Variants in XRCC4 observed in about 807,000 individuals in gnomAD.
XRCC4 encodes the protein DNA repair protein XRCC4.
A neutral mutation model predicts 39.1 loss-of-function variants in XRCC4; 28 were observed. That is an observed-to-expected ratio of 0.72 (90% confidence interval 0.53 to 0.98). The LOEUF (loss-of-function observed/expected upper bound fraction) is 0.98, where lower values mean the gene tolerates loss of function less well. Among genes scored for constraint, XRCC4 ranks in the 50% least tolerant of loss-of-function variants. The pLI is 0.00. For synonymous variants in XRCC4, 123 were observed against 126.4 expected (o/e 0.97, Z 0.18); for missense variants, 350 against 376.4 (o/e 0.93, Z 0.58).
At chr5:83,346,777 TATGAA>T (rs1300719928) in intron 7 of XRCC4, among the ~76,000 whole-genome samples, 1 of 152,116 alleles carries the variant, frequency 6.6e-6, no homozygotes, top group Non-Finnish European at 1.5e-5. Context: ...AAATTACAAA[TATGAA>T]ATGAAATAGG....
chr5:83,248,442 T>C (rs1753189370), intron 6 of XRCC4, among the ~76,000 whole-genome samples: 1 of 152,170 alleles, frequency 6.6e-6, no homozygotes, highest in Admixed American at 6.6e-5. Flanking sequence ...GGATAATTAT[T>C]AGACAGATCT....
intron 7 of XRCC4, among the ~76,000 whole-genome samples, chr5:83,343,263 G>T (rs1756817313): frequency 6.6e-6 from 1 of 152,006 alleles, no homozygotes; most frequent in South Asian, 2.1e-4. Flanking sequence ...ATATACTTTT[G>T]TTATTTTAAC....
chr5:83,296,375 A>G (rs551381158), intron 7 of XRCC4, among the ~76,000 whole-genome samples: 42 of 152,224 alleles, frequency 2.8e-4, no homozygotes, highest in Non-Finnish European at 4.4e-4. Context: ...CTTTCACCTT[A>G]ATTATGACAG....
At chr5:83,100,369 A>G (rs1200855360) in intron 1 of XRCC4, among the ~76,000 whole-genome samples, 1 of 152,150 alleles carries the variant, frequency 6.6e-6, no homozygotes, top group Non-Finnish European at 1.5e-5. Flanking sequence ...TTTTAACATC[A>G]TTGAGATTAA....
intron 7 of XRCC4, among the ~76,000 whole-genome samples, chr5:83,326,668 GT>G (rs1233260604): frequency 1.3e-5 from 2 of 152,034 alleles, no homozygotes; most frequent in Admixed American, 6.6e-5. Flanking sequence ...CATAATGTGA[GT>G]TTTTTGTAAT....
intron 7 of XRCC4, among the ~76,000 whole-genome samples, chr5:83,309,280 AAAAAAAAAAAAAAAAAATAT>A (rs1244637252): frequency 2.5e-5 from 3 of 120,122 alleles, no homozygotes; most frequent in African/African-American, 6.7e-5. Context: ...AAAAAAAAAA[AAAAAAAAAAAAAAAAAATAT>A]ATATATATAT....
chr5:83,344,581 T>C (rs1756866227), intron 7 of XRCC4, among the ~76,000 whole-genome samples: 1 of 152,106 alleles, frequency 6.6e-6, no homozygotes, highest in Admixed American at 6.6e-5. Flanking sequence ...ACATTATGCT[T>C]AAGATTCATG....
At chr5:83,288,166 G>A (rs1754798120) in intron 7 of XRCC4, among the ~76,000 whole-genome samples, 1 of 151,850 alleles carries the variant, frequency 6.6e-6, no homozygotes. Context: ...AATTTGCTAA[G>A]GTGTTTTTTA....
chr5:83,087,379 T>A (rs1296662562), intron 1 of XRCC4, among the ~76,000 whole-genome samples: 1 of 151,982 alleles, frequency 6.6e-6, no homozygotes, highest in Non-Finnish European at 1.5e-5. Flanking sequence ...TTTGTCCTGG[T>A]TGGCTGAGCA....
chr5:83,244,720 C>G (rs1753037522), intron 6 of XRCC4, among the ~76,000 whole-genome samples: 1 of 152,116 alleles, frequency 6.6e-6, no homozygotes, highest in African/African-American at 2.4e-5. Flanking sequence ...CCACCTACAT[C>G]CCTGTGCTGA....
chr5:83,190,054 A>T (rs1346110446), intron 3 of XRCC4, among the ~76,000 whole-genome samples: 1 of 152,116 alleles, frequency 6.6e-6, no homozygotes, highest in African/African-American at 2.4e-5. Context: ...ACAGAGCGAG[A>T]ATCTGTCTCA....
At chr5:83,246,453 A>G (rs765697837) in intron 6 of XRCC4, among the ~76,000 whole-genome samples, 2 of 152,126 alleles carry the variant, frequency 1.3e-5, no homozygotes, top group Non-Finnish European at 2.9e-5. Flanking sequence ...AAATCTGGCA[A>G]CATTTTAGTC....
chr5:83,092,883 G>T (rs1166592754), intron 1 of XRCC4, among the ~76,000 whole-genome samples: 3 of 151,852 alleles, frequency 2.0e-5, no homozygotes, highest in African/African-American at 7.3e-5. Flanking sequence ...ATATCTTCAA[G>T]AAAAAAAGAC....
intron 7 of XRCC4, among the ~76,000 whole-genome samples, chr5:83,267,432 C>T (rs1224148553): frequency 6.6e-6 from 1 of 152,158 alleles, no homozygotes; most frequent in Non-Finnish European, 1.5e-5. Context: ...AATTCCCAGC[C>T]TCACTAGCAG....
At chr5:83,235,616 C>T (rs558512332) in intron 6 of XRCC4, among the ~76,000 whole-genome samples, 54 of 151,872 alleles carry the variant, frequency 3.6e-4, no homozygotes, top group Admixed American at 2.0e-4. Context: ...TCATACTGAA[C>T]GGGAAAAAAA....
intron 7 of XRCC4, among the ~76,000 whole-genome samples, chr5:83,322,288 C>T (rs972579316): frequency 2.0e-5 from 3 of 152,078 alleles, no homozygotes; most frequent in South Asian, 2.1e-4. Flanking sequence ...TGTATCTCAG[C>T]GCTGAACTCT....
chr5:83,099,280 C>T (rs114499556), intron 1 of XRCC4, among the ~76,000 whole-genome samples: 1 of 152,014 alleles, frequency 6.6e-6, no homozygotes, highest in Non-Finnish European at 1.5e-5. Context: ...AGTTTGAACA[C>T]CTGCAGCCCA....
intron 6 of XRCC4, among the ~76,000 whole-genome samples, chr5:83,231,338 A>G (rs1752488314): frequency 6.6e-6 from 1 of 151,954 alleles, no homozygotes; most frequent in Non-Finnish European, 1.5e-5. Flanking sequence ...CCCATATTTC[A>G]TATTTTTGTT....
At chr5:83,269,273 C>A (rs1754056907) in intron 7 of XRCC4, among the ~76,000 whole-genome samples, 1 of 152,010 alleles carries the variant, frequency 6.6e-6, no homozygotes, top group South Asian at 2.1e-4. Flanking sequence ...TAATGATGTA[C>A]CTACTGTGTG....
Sources: gnomAD v4.1 joint callset for allele counts (sites outside exome capture counted in the v4.1 genomes callset) on GRCh38, gnomAD v4.1.1 for gene constraint, MANE v1.5 for transcripts, NCBI Gene and HGNC (gene_info 2026-07-23, HGNC 2026-07-21) for gene names.